CSMD1: variants seen among roughly 807,000 people sequenced by gnomAD.
CSMD1 encodes the protein CUB and Sushi multiple domains 1, also known as CUB and sushi domain-containing protein 1.
In CSMD1, 213 loss-of-function variants were observed where a neutral mutation model predicts 417.5. The ratio of observed to expected loss-of-function variants is 0.51; its 90% confidence interval spans 0.46 to 0.57. The LOEUF is 0.57. Ranked by LOEUF, CSMD1 falls within the 20% of genes least tolerant of loss-of-function variation. The pLI, the probability that CSMD1 is intolerant of heterozygous loss-of-function variation, is 0.00. For missense variants in CSMD1, 6,923 were observed against 4,529.7 expected (o/e 1.53, Z -15.17); for synonymous variants, 2,862 against 1,736.8 (o/e 1.65, Z -16.11).
intron 10 of CSMD1, among the ~76,000 whole-genome samples, chr8:3,521,546 C>A (rs1200188367): frequency 6.6e-6 from 1 of 152,154 alleles, no homozygotes; most frequent in Non-Finnish European, 1.5e-5. Context: ...CATCAGTAAA[C>A]ATAAGTTACT....
chr8:4,117,812 G>A (rs1033900097), intron 3 of CSMD1, among the ~76,000 whole-genome samples: 1 of 152,026 alleles, frequency 6.6e-6, no homozygotes. Flanking sequence ...TATCCTAGAG[G>A]ACACCTAGTT....
At chr8:3,094,881 G>A (rs1344377587) in intron 47 of CSMD1, among the ~76,000 whole-genome samples, 1 of 149,890 alleles carries the variant, frequency 6.7e-6, no homozygotes, top group Non-Finnish European at 1.5e-5. Flanking sequence ...AAATGTCATC[G>A]CTTAAAAACA....
At chr8:3,031,647 C>T (rs1810347971) in intron 50 of CSMD1, among the ~76,000 whole-genome samples, 1 of 152,082 alleles carries the variant, frequency 6.6e-6, no homozygotes, top group South Asian at 2.1e-4. Context: ...GATCCTCATG[C>T]TCAGCCTCCC....
At chr8:4,494,922 A>C (rs1029233022) in intron 2 of CSMD1, among the ~76,000 whole-genome samples, 16 of 152,222 alleles carry the variant, frequency 1.1e-4, no homozygotes, top group Non-Finnish European at 7.3e-5. Flanking sequence ...AAGAAGAAAA[A>C]ATACGCAGTG....
intron 2 of CSMD1, among the ~76,000 whole-genome samples, chr8:4,598,312 T>A (rs1800389861): frequency 6.6e-6 from 1 of 152,212 alleles, no homozygotes; most frequent in African/African-American, 2.4e-5. Context: ...AATACTATGC[T>A]GAATTCCTAG....
At chr8:4,817,253 G>C (rs1035133124) in intron 1 of CSMD1, among the ~76,000 whole-genome samples, 3 of 152,084 alleles carry the variant, frequency 2.0e-5, no homozygotes, top group Non-Finnish European at 2.9e-5. Flanking sequence ...AAAATATGAA[G>C]ATTTTCCCAC....
intron 3 of CSMD1, among the ~76,000 whole-genome samples, chr8:4,128,685 A>T (rs1802910315): frequency 6.6e-6 from 1 of 152,012 alleles, no homozygotes; most frequent in Non-Finnish European, 1.5e-5. Flanking sequence ...CCCATACCCC[A>T]CAACCTCACG....
chr8:4,295,669 CAT>C lies in CSMD1; in HGVS notation c.415+124282_415+124283del, dbSNP rs201025167. Among the ~76,000 whole-genome samples the C allele has an allele frequency of 1.5e-3, 199 of 136,534 alleles. 1 individual carries two copies. Among genetic ancestry groups the C allele is most frequent in the African/African-American group, 5.0e-3 (179 of 35,632 alleles). 89.6% of individuals were successfully genotyped at this position (136,534 alleles called of 152,430 possible). A position where few individuals can be genotyped will look rare whatever the true frequency, so the allele number is the denominator to read the frequency against. Reference sequence around the variant, plus strand: ...ATATAAAAATATAATCTTAAGATTACATATGTTATATTATACATGTTATATAT... The same window carrying C: ...ATATAAAAATATAATCTTAAGATTACATGTTATATTATACATGTTATATAT... On this transcript the variant is annotated intron_variant, in intron 3 of 69. Coordinates refer to ENST00000635120, the MANE Select transcript of CSMD1 (RefSeq NM_033225.6).
At chr8:4,941,809 G>A (rs945631898) in intron 1 of CSMD1, among the ~76,000 whole-genome samples, 10 of 152,070 alleles carry the variant, frequency 6.6e-5, no homozygotes, top group Non-Finnish European at 1.0e-4. Context: ...ATGTTGCCCA[G>A]GATGGTCTTG....
chr8:3,138,244 C>A (rs1035164203), intron 41 of CSMD1, among the ~76,000 whole-genome samples: 8 of 152,046 alleles, frequency 5.3e-5, no homozygotes, highest in African/African-American at 1.7e-4. Context: ...AAAACCATAT[C>A]CCATATCTCA....
intron 3 of CSMD1, among the ~76,000 whole-genome samples, chr8:4,349,290 T>G (rs1026612196): frequency 6.6e-6 from 1 of 152,160 alleles, no homozygotes; most frequent in African/African-American, 2.4e-5. Flanking sequence ...TTTGCAGCAG[T>G]GGAAAGCTAT....
intron 3 of CSMD1, among the ~76,000 whole-genome samples, chr8:4,106,204 G>C (rs1313016258): frequency 3.9e-5 from 6 of 152,188 alleles, no homozygotes; most frequent in Non-Finnish European, 5.9e-5. Flanking sequence ...ATCTATGAGA[G>C]GAATCCAGCA....
chr8:3,649,565 G>C (rs1448194128), intron 7 of CSMD1, among the ~76,000 whole-genome samples: 7 of 152,124 alleles, frequency 4.6e-5, no homozygotes, highest in East Asian at 3.9e-4. Flanking sequence ...GAGAAGTGCT[G>C]TGCAAAGTGG....
At chr8:3,441,722 G>A (rs539726202) in intron 12 of CSMD1, among the ~76,000 whole-genome samples, 120 of 152,180 alleles carry the variant, frequency 7.9e-4, no homozygotes, top group African/African-American at 2.5e-3. Flanking sequence ...ATGTGAAAGC[G>A]GAGCAGTGCA....
intron 2 of CSMD1, among the ~76,000 whole-genome samples, chr8:4,456,719 C>G (rs1024932411): frequency 6.6e-6 from 1 of 152,122 alleles, no homozygotes; most frequent in African/African-American, 2.4e-5. Context: ...TGTGGACCCC[C>G]TGCTGCATCA....
At chr8:4,320,395 C>T (rs1799202524) in intron 3 of CSMD1, among the ~76,000 whole-genome samples, 2 of 152,098 alleles carry the variant, frequency 1.3e-5, no homozygotes, top group Non-Finnish European at 2.9e-5. Context: ...TGTGAGGGTA[C>T]ATGTGTAGAA....
intron 5 of CSMD1, among the ~76,000 whole-genome samples, chr8:3,991,296 T>A (rs1814727707): frequency 6.6e-6 from 1 of 152,206 alleles, no homozygotes; most frequent in African/African-American, 2.4e-5. Context: ...ATTTGCCTAT[T>A]GAGTTTCAGG....
Position 4,200,555 on chromosome 8 carries a change from C to A in CSMD1, c.416-168456G>T, listed in dbSNP as rs187212734. Among the ~76,000 whole-genome samples the A allele has an allele frequency of 2.9e-3, 446 of 151,528 alleles. 3 individuals are homozygous for A. The highest frequency in any genetic ancestry group is 0.01 in the African/African-American group (422 of 40,960). On this transcript the variant is annotated intron_variant, in intron 3 of 69. Transcript: ENST00000635120. The stretch of plus-strand genomic sequence containing the variant: ...TTAATATAAATGCCTGCTGTGCTAT[C>A]CTTATATAATTATAAATCTTGGCGG...
At chr8:3,862,115 C>G (rs1048579441) in intron 5 of CSMD1, among the ~76,000 whole-genome samples, 9 of 152,062 alleles carry the variant, frequency 5.9e-5, no homozygotes, top group Non-Finnish European at 1.0e-4. Flanking sequence ...TTTTTTTCAA[C>G]TTTTTAATCT....
Sources: allele counts gnomAD v4.1 joint callset (sites outside exome capture counted in the v4.1 genomes callset), GRCh38; gene constraint gnomAD v4.1.1; transcripts MANE v1.5; gene names NCBI Gene and HGNC (gene_info 2026-07-23, HGNC 2026-07-21).